Variants in CFAP97 observed in about 807,000 individuals in gnomAD.
CFAP97 encodes cilia- and flagella-associated protein 97.
In CFAP97, 36 loss-of-function variants were observed where a neutral mutation model predicts 43.1. The observed-to-expected ratio is 0.84, with a 90% CI of 0.64 to 1.10. CFAP97 has a LOEUF of 1.10. Among genes scored for constraint, CFAP97 ranks in the 50% least tolerant of loss-of-function variants. CFAP97 has a pLI of 0.00. For synonymous variants in CFAP97, 228 were observed against 225.7 expected (o/e 1.01, Z -0.09); for missense variants, 657 against 620.3 (o/e 1.06, Z -0.63).
At chr4:185,202,904 GGTAA>G (rs1157041116) in intron 1 of CFAP97, among the ~76,000 whole-genome samples, 3 of 151,904 alleles carry the variant, frequency 2.0e-5, no homozygotes, top group African/African-American at 7.3e-5. Context: ...TTTACTACGA[GGTAA>G]GTGATTCAAT....
chr4:185,160,772 T>C lies in CFAP97; in HGVS notation c.*2026A>G, dbSNP rs917201266. The C allele has an allele frequency of 1.3e-5, 2 of 150,540 alleles. No individual in the cohort carries two copies. Among genetic ancestry groups the C allele is most frequent in the Non-Finnish European group, 3.0e-5 (2 of 67,676 alleles). 9.3% of individuals were successfully genotyped at this position (150,540 alleles called of 1,614,324 possible). A position where few individuals can be genotyped will look rare whatever the true frequency, so the allele number is the denominator to read the frequency against. ...GTATCCTGACATGTGGCAACAAAGA[T>C]AATATAAAATGTACTCAGAGACTAA... On this transcript the variant is annotated 3_prime_UTR_variant, in exon 5 of 5. Transcript: ENST00000458385.
chr4:185,170,216 T>G, intron 3 of CFAP97: 1 of 616,900 alleles, frequency 1.6e-6, no homozygotes, highest in Non-Finnish European at 2.8e-6. Context: ...TGTGGTGGTG[T>G]AAGCCTGTAG....
In CFAP97 at chr4:185,159,853, G is replaced by A. The variant is rs1734816299; in HGVS notation, c.*2945C>T. On this transcript the variant is annotated 3_prime_UTR_variant, in exon 5 of 5. Transcript: ENST00000458385. ...CTAAGATTGTATATAATCATTTATA[G>A]GTTAAGACTTTTTTGGCATTGAAGA... 6.6e-6 allele frequency: 1 copy of A among 152,138 alleles called. No individual in the cohort carries two copies. The highest frequency in any genetic ancestry group is 1.5e-5 in the Non-Finnish European group (1 of 68,016). The allele number at this position is 152,138 out of a possible 1,614,324, so 9.4% of individuals were successfully genotyped here.
chr4:185,181,479 C>A lies in CFAP97; in HGVS notation c.1055-5428G>T, dbSNP rs1264746534. Among the ~76,000 whole-genome samples, 2 of 151,738 alleles carry A rather than the reference C, an allele frequency of 1.3e-5. 1 individual carries two copies. The highest frequency in any genetic ancestry group is 4.8e-5 in the African/African-American group (2 of 41,354). ...TAGCTGGGATTACAGGCATGTGCCA[C>A]CACGCACGGCTAATTTTGTATTTTT... On this transcript the variant is annotated intron_variant, in intron 2 of 4. Coordinates refer to ENST00000458385, the MANE Select transcript of CFAP97 (RefSeq NM_020827.3).
chr4:185,180,328 G>A (rs1041172980), intron 2 of CFAP97, among the ~76,000 whole-genome samples: 1 of 152,024 alleles, frequency 6.6e-6, no homozygotes, highest in Admixed American at 6.5e-5. Context: ...CAGTGGTACC[G>A]AATACATTCA....
In CFAP97 at chr4:185,160,373, AAAAAAT is replaced by A. The variant is rs913027471; in HGVS notation, c.*2419_*2424del. The A allele has an allele frequency of 1.3e-5, 2 of 151,874 alleles. No individual in the cohort carries two copies. Among genetic ancestry groups the A allele is most frequent in the Non-Finnish European group, 2.9e-5 (2 of 67,972 alleles). 9.4% of individuals were successfully genotyped at this position (151,874 alleles called of 1,614,324 possible). ...TACATATATTCAGTACAAGTCAAAA[AAAAAAT>A]AAAATAAAATAGTGCCAGACCATCC... On this transcript the variant is annotated 3_prime_UTR_variant, in exon 5 of 5. Transcript: ENST00000458385.
At chr4:185,186,142 T>C (rs1033848926) in intron 2 of CFAP97, among the ~76,000 whole-genome samples, 2 of 152,096 alleles carry the variant, frequency 1.3e-5, no homozygotes, top group Non-Finnish European at 2.9e-5. Flanking sequence ...TAAGAAACTA[T>C]TACTTGTGGG....
chr4:185,169,746 A>C, intron 3 of CFAP97: 1 of 985,436 alleles, frequency 1.0e-6, no homozygotes, highest in South Asian at 4.7e-5. Flanking sequence ...AGACCTTGTA[A>C]GGACACTAAA....
At chr4:185,204,071 C>A (rs555801488), upstream of CFAP97, 1 of 149,918 alleles carries the variant, frequency 6.7e-6, no homozygotes, top group Admixed American at 6.6e-5. Context: ...CGCCGGGCCT[C>A]GTGCGGCCCT....
At chr4:185,181,760 G>A (rs1257555705) in intron 2 of CFAP97, among the ~76,000 whole-genome samples, 2 of 152,186 alleles carry the variant, frequency 1.3e-5, no homozygotes, top group African/African-American at 4.8e-5. Context: ...TTTCTTAAAT[G>A]TTTGGCAATA....
At chr4:185,203,578 A>T (rs550395874) in intron 1 of CFAP97, among the ~76,000 whole-genome samples, 118 of 152,176 alleles carry the variant, frequency 7.8e-4, no homozygotes, top group Non-Finnish European at 1.4e-3. Flanking sequence ...AAGTAGGAAG[A>T]AGTCGTCAGG....
At chr4:185,178,716 T>C (rs892165839) in intron 2 of CFAP97, among the ~76,000 whole-genome samples, 5 of 152,144 alleles carry the variant, frequency 3.3e-5, no homozygotes, top group Non-Finnish European at 7.3e-5. Context: ...TGCCTAACCA[T>C]GGCACAGGAA....
chr4:185,204,429 G>A (rs1218738105), upstream of CFAP97: 1 of 152,220 alleles, frequency 6.6e-6, no homozygotes, highest in Non-Finnish European at 1.5e-5. Flanking sequence ...CCAGAGGCTG[G>A]TTTCAGAATG....
At chr4:185,177,434 C>T (rs796323452) in intron 2 of CFAP97, among the ~76,000 whole-genome samples, 27 of 150,302 alleles carry the variant, frequency 1.8e-4, no homozygotes, top group African/African-American at 6.1e-4. Context: ...AAGGAATACA[C>T]GATATCAGAT....
chr4:185,169,985 T>C, intron 3 of CFAP97: 1 of 1,074,904 alleles, frequency 9.3e-7, no homozygotes, highest in Non-Finnish European at 1.1e-6. Flanking sequence ...GGTATGAGAC[T>C]TGCTATAAAT....
intron 2 of CFAP97, among the ~76,000 whole-genome samples, chr4:185,185,066 T>C (rs903718982): frequency 1.3e-5 from 2 of 152,230 alleles, no homozygotes; most frequent in Non-Finnish European, 2.9e-5. Flanking sequence ...TTAATTTATC[T>C]TCTAGAACAT....
intron 2 of CFAP97, among the ~76,000 whole-genome samples, chr4:185,185,177 A>G (rs1735958779): frequency 6.6e-6 from 1 of 152,210 alleles, no homozygotes; most frequent in African/African-American, 2.4e-5. Context: ...ATTTGCCCCA[A>G]GAAATGAGTG....
chr4:185,191,592 G>A (rs939375685), intron 1 of CFAP97, among the ~76,000 whole-genome samples: 1 of 152,222 alleles, frequency 6.6e-6, no homozygotes, highest in Non-Finnish European at 1.5e-5. Flanking sequence ...AGCACTTTGG[G>A]AGGCCGAGGC....
intron 2 of CFAP97, among the ~76,000 whole-genome samples, chr4:185,189,190 T>A (rs1736127671): frequency 6.6e-6 from 1 of 152,166 alleles, no homozygotes; most frequent in Non-Finnish European, 1.5e-5. Flanking sequence ...TGAGCTGTGG[T>A]CACGCCACTT....
Sources: allele counts gnomAD v4.1 joint callset (sites outside exome capture counted in the v4.1 genomes callset), GRCh38; gene constraint gnomAD v4.1.1; transcripts MANE v1.5; gene names NCBI Gene and HGNC (gene_info 2026-07-23, HGNC 2026-07-21).